Variants in CDC123 observed in about 807,000 individuals in gnomAD.
The protein encoded by CDC123 is translation initiation factor eIF2 assembly protein.
A neutral mutation model predicts 54.4 loss-of-function variants in CDC123; 37 were observed. That is an observed-to-expected ratio of 0.68 (90% CI 0.52 to 0.89). The LOEUF (loss-of-function observed/expected upper bound fraction) is 0.89. Among genes scored for constraint, CDC123 ranks in the 40% least tolerant of loss-of-function variants. The probability of loss-of-function intolerance (pLI) is 0.00; values close to 1 mark genes in which losing one functional copy is unlikely to be tolerated. For missense variants in CDC123, 361 were observed against 412.1 expected (o/e 0.88, Z 1.07); for synonymous variants, 144 against 136.8 (o/e 1.05, Z -0.37).
At chr10:12,220,846 G>A (rs571474643) in intron 6 of CDC123, among the ~76,000 whole-genome samples, 4 of 152,090 alleles carry the variant, frequency 2.6e-5, no homozygotes, top group Admixed American at 2.0e-4. Flanking sequence ...GCGTGGTGGC[G>A]GGCGCCTGCA....
intron 7 of CDC123, among the ~76,000 whole-genome samples, chr10:12,234,141 G>A (rs1835944072): frequency 6.6e-6 from 1 of 152,232 alleles, no homozygotes. Context: ...CGCCCAGGCT[G>A]GAGTGCAGTG....
intron 8 of CDC123, among the ~76,000 whole-genome samples, chr10:12,236,885 CG>C (rs1835983895): frequency 8.5e-6 from 1 of 117,248 alleles, no homozygotes; most frequent in African/African-American, 3.3e-5. Context: ...AGTGAGACTC[CG>C]TCTCAAAACA....
intron 3 of CDC123, 116 bp downstream of exon 3, chr10:12,210,140 A>G: frequency 2.8e-6 from 4 of 1,448,354 alleles, no homozygotes; most frequent in Non-Finnish European, 3.8e-6. Flanking sequence ...ATTACGTGAG[A>G]ATCTTACTTT....
intron 6 of CDC123, among the ~76,000 whole-genome samples, chr10:12,223,095 C>T (rs1306469131): frequency 2.0e-5 from 3 of 151,160 alleles, no homozygotes; most frequent in South Asian, 2.1e-4. Context: ...GGGGTTTCAC[C>T]GTATTAGCCA....
intron 4 of CDC123, among the ~76,000 whole-genome samples, chr10:12,211,371 T>C (rs1835598391): frequency 1.3e-5 from 2 of 152,110 alleles, no homozygotes; most frequent in Admixed American, 6.5e-5. Flanking sequence ...TTTATTTTAA[T>C]GAACAAGATA....
chr10:12,249,469 G>A (rs1836208420), intron 11 of CDC123, 112 bp from the exon 12 acceptor site: 1 of 1,096,270 alleles, frequency 9.1e-7, no homozygotes, highest in East Asian at 2.5e-5. Context: ...TCCTCATCAA[G>A]TACAGAGGAA....
In CDC123 at chr10:12,235,107, G is replaced by A. The variant is rs779007927; in HGVS notation, c.549G>A (p.Lys183=). The A allele has an allele frequency of 6.2e-7, 1 of 1,613,482 alleles. No individual in the cohort carries two copies. The highest frequency in any genetic ancestry group is 1.3e-5 in the African/African-American group (1 of 74,962). The change falls in exon 8 of 13, where the codon AAG becomes AAA. Residue 183 remains lysine, a synonymous_variant. Transcript: ENST00000281141. ...GGGCTGAGTTTCGATGTTTTGTCAA[G>A]GAAAACAAGCTTATTGGTGAGTTTT... ...IPGAEFRCFV[K]ENKLIGISQR... is the part of the protein sequence containing the mutation.
At position 12,238,484 on chromosome 10, in the gene CDC123, G is replaced by C; in HGVS notation, c.716G>C (p.Arg239Thr). The C allele has an allele frequency of 6.2e-7, 1 of 1,608,106 alleles. No homozygotes were observed. Among genetic ancestry groups the C allele is most frequent in the East Asian group, 2.2e-5 (1 of 44,614 alleles). The part of the protein sequence containing the change: ...DFVFDIYRDS[R>T]GKVWLIDFNP... The stretch of plus-strand genomic sequence containing the variant: ...GTGTTCGATATATACAGAGACAGTA[G>C]GGTAAGTAAAAACTCTTTCTGATAT... The change falls in exon 10 of 13, where the codon AGG (arginine) becomes ACG (threonine). Residue 239 changes from arginine to threonine, a missense_variant and splice_region_variant. By Grantham distance (71) the Arg-to-Thr change is moderately conservative. Coordinates refer to ENST00000281141, the MANE Select transcript of CDC123 (RefSeq NM_006023.3).
intron 2 of CDC123, 24 bp from the exon 3 acceptor site, chr10:12,209,943 T>C: frequency 6.2e-7 from 1 of 1,613,250 alleles, no homozygotes; most frequent in Non-Finnish European, 8.5e-7. Flanking sequence ...TTTTCTTTCT[T>C]GATGTTTGTT....
chr10:12,204,958 A>G (rs1835497079), intron 2 of CDC123, among the ~76,000 whole-genome samples: 1 of 137,624 alleles, frequency 7.3e-6, no homozygotes, highest in Non-Finnish European at 1.5e-5. Context: ...GTGCCACTGC[A>G]CTCCAGCCTG....
chr10:12,208,925 A>G (rs777081417), intron 2 of CDC123, among the ~76,000 whole-genome samples: 13 of 152,108 alleles, frequency 8.5e-5, no homozygotes, highest in Non-Finnish European at 1.8e-4. Context: ...ATGCAGAATG[A>G]ATTTCTGACA....
intron 6 of CDC123, among the ~76,000 whole-genome samples, chr10:12,221,679 GA>G (rs1835738481): frequency 6.6e-6 from 1 of 150,908 alleles, no homozygotes; most frequent in Non-Finnish European, 1.5e-5. Flanking sequence ...AACATCGTAA[GA>G]TTTTTTTTGA....
chr10:12,199,176 C>A (rs2131728556), intron 2 of CDC123, among the ~76,000 whole-genome samples: 1 of 152,310 alleles, frequency 6.6e-6, no homozygotes, highest in South Asian at 2.1e-4. Flanking sequence ...CACGATTGAA[C>A]TACCGTGGCC....
At chr10:12,196,424 T>G (rs1242729686) in intron 1 of CDC123, 105 bp downstream of exon 1, 5 of 1,432,470 alleles carry the variant, frequency 3.5e-6, no homozygotes, top group Non-Finnish European at 4.9e-6. Flanking sequence ...AGCGACTGCA[T>G]GGGAGGGAGT....
chr10:12,232,191 C>T (rs145824365), intron 7 of CDC123, among the ~76,000 whole-genome samples: 210 of 152,132 alleles, frequency 1.4e-3, no homozygotes, highest in African/African-American at 4.8e-3. Flanking sequence ...ATTCCTGGTC[C>T]TTCTTCCACT....
chr10:12,197,337 C>A (rs1313151577), intron 1 of CDC123, among the ~76,000 whole-genome samples: 1 of 151,370 alleles, frequency 6.6e-6, no homozygotes, highest in African/African-American at 2.4e-5. Context: ...GATTTTCAAA[C>A]GTAATAAGAT....
Position 12,196,421 on chromosome 10 carries a change from G to A in CDC123, c.74+102G>A, listed in dbSNP as rs1240196198. 72 of 1,455,758 alleles carry A rather than the reference G, an allele frequency of 4.9e-5. 1 individual carries two copies. The highest frequency in any genetic ancestry group is 6.8e-5 in the Non-Finnish European group (71 of 1,047,800). The allele number at this position is 1,455,758 out of a possible 1,614,324, so 90.2% of individuals were successfully genotyped here. ...AAAAAATGCAGGCCTTCTAGCGACT[G>A]CATGGGAGGGAGTGTGTCGAGAGGG... On this transcript the variant is annotated intron_variant, in intron 1 of 12. Coordinates refer to ENST00000281141, the MANE Select transcript of CDC123 (RefSeq NM_006023.3).
At chr10:12,205,293 T>C (rs1255109677) in intron 2 of CDC123, among the ~76,000 whole-genome samples, 1 of 152,204 alleles carries the variant, frequency 6.6e-6, no homozygotes, top group Non-Finnish European at 1.5e-5. Flanking sequence ...ATTGTGTATA[T>C]GTACCACATT....
intron 4 of CDC123, among the ~76,000 whole-genome samples, chr10:12,212,241 G>A (rs1835612532): frequency 6.6e-6 from 1 of 152,180 alleles, no homozygotes; most frequent in Non-Finnish European, 1.5e-5. Flanking sequence ...CACGCCTGAT[G>A]CCTTGATCTT....
Sources: allele counts gnomAD v4.1 joint callset (sites outside exome capture counted in the v4.1 genomes callset), GRCh38; gene constraint gnomAD v4.1.1; transcripts MANE v1.5; gene names NCBI Gene and HGNC (gene_info 2026-07-23, HGNC 2026-07-21).